The following TRPM1 variants were observed in gnomAD, a reference collection of about 807,000 sequenced individuals.
TRPM1 encodes transient receptor potential cation channel subfamily M member 1.
TRPM1 carries 113 observed loss-of-function variants against 149.4 expected under a neutral mutation model. The ratio of observed to expected loss-of-function variants is 0.76; its 90% CI spans 0.65 to 0.88. The LOEUF is 0.88. Ranked by LOEUF, TRPM1 falls within the 40% of genes least tolerant of loss-of-function variation. The pLI is 0.00. For synonymous variants in TRPM1, 741 were observed against 759.5 expected (o/e 0.98, Z 0.40); for missense variants, 1,976 against 2,038.7 (o/e 0.97, Z 0.59).
In TRPM1 at chr15:31,154,930, C is replaced by G. The variant is rs570816890; in HGVS notation, c.54+5976G>C. Among the ~76,000 whole-genome samples the G allele has an allele frequency of 4.5e-4, 68 of 152,282 alleles. 2 individuals are homozygous for G. The South Asian group carries it at 0.014, about 31-fold the overall frequency. On this transcript the variant is annotated intron_variant, in intron 1 of 26. Coordinates refer to the TRPM1 transcript ENST00000542188. ...TACTCCTGGCTCACTGGCTTCCCCC[C>G]ACCCACCAAGTTATCCATAAAAGCT... is the stretch of plus-strand genomic sequence containing the variant.
Position 31,073,420 on chromosome 15 carries a change from T to C in TRPM1, c.84-3194A>G, listed in dbSNP as rs1049739009. 5.3e-5 allele frequency among the ~76,000 whole-genome samples: 8 copies of C among 152,266 alleles called. No individual in the cohort carries two copies. In the South Asian group the frequency reaches 8.3e-4, roughly 16 times the overall value. On this transcript the variant is annotated intron_variant, in intron 3 of 27. Coordinates refer to ENST00000256552, the MANE Select transcript of TRPM1 (RefSeq NM_001252024.2). The stretch of plus-strand genomic sequence containing the variant: ...TTATTACTGTAGCTTTGTATTAAGT[T>C]TTGAAATCAGAAAATGTGAGTCCTC...
At chr15:31,088,492 A>C (rs1167732010) in intron 1 of TRPM1, among the ~76,000 whole-genome samples, 1 of 152,188 alleles carries the variant, frequency 6.6e-6, no homozygotes, top group Non-Finnish European at 1.5e-5. Context: ...GCCCACGAAC[A>C]CACCTGGAAA....
intron 1 of TRPM1, among the ~76,000 whole-genome samples, chr15:31,143,487 T>C (rs866034536): frequency 4.6e-5 from 7 of 152,148 alleles, no homozygotes; most frequent in Non-Finnish European, 7.3e-5. Context: ...AGTGGTGCTA[T>C]CTTGGCTCAC....
intron 1 of TRPM1, among the ~76,000 whole-genome samples, chr15:31,093,288 A>G (rs2035290925): frequency 1.6e-5 from 2 of 121,844 alleles, no homozygotes; most frequent in African/African-American, 6.0e-5. Context: ...AAAAAAAAAG[A>G]TTAAAAAAGC....
At chr15:31,126,056 C>T (rs185522140) in intron 1 of TRPM1, among the ~76,000 whole-genome samples, 3 of 152,032 alleles carry the variant, frequency 2.0e-5, no homozygotes, top group East Asian at 1.9e-4. Context: ...CACTTGAACC[C>T]GGGAGGCAGA....
intron 27 of TRPM1, among the ~76,000 whole-genome samples, chr15:31,024,502 G>T (rs901553343): frequency 1.3e-5 from 2 of 152,154 alleles, no homozygotes; most frequent in African/African-American, 4.8e-5. Flanking sequence ...GATCTCAGCC[G>T]AGGGAAACAG....
chr15:31,101,736 G>T, upstream of TRPM1: 1 of 985,860 alleles, frequency 1.0e-6, no homozygotes, highest in South Asian at 4.7e-5. Flanking sequence ...AGCTGGGTGA[G>T]GAGGGCCCAC....
At chr15:31,064,071 C>T (rs1052395015) in intron 7 of TRPM1, among the ~76,000 whole-genome samples, 7 of 152,192 alleles carry the variant, frequency 4.6e-5, no homozygotes, top group Non-Finnish European at 7.4e-5. Flanking sequence ...TGACACTGGG[C>T]CAATCACCAA....
At chr15:31,094,576 A>G (rs1365994456) in intron 1 of TRPM1, among the ~76,000 whole-genome samples, 2 of 152,272 alleles carry the variant, frequency 1.3e-5, no homozygotes, top group African/African-American at 4.8e-5. Context: ...CAATTCTCCA[A>G]TGAAGATATA....
upstream of TRPM1, among the ~76,000 whole-genome samples, chr15:31,103,240 C>G (rs2035550270): frequency 6.6e-6 from 1 of 152,168 alleles, no homozygotes; most frequent in South Asian, 2.1e-4. Flanking sequence ...GGAGCCCCAT[C>G]CTTCCCCAAG....
At chr15:31,158,761 G>A (rs1189059267) in intron 1 of TRPM1, among the ~76,000 whole-genome samples, 1 of 152,096 alleles carries the variant, frequency 6.6e-6, no homozygotes, top group Admixed American at 6.5e-5. Context: ...TATACGGAGA[G>A]ATGTGTTCTG....
chr15:31,066,124 G>C lies in TRPM1; in HGVS notation c.742C>G (p.Leu248Val). ...TLGKYGAEVKLRRLLEKHISL... is the reference protein window; with the variant it reads ...TLGKYGAEVKVRRLLEKHISL... Reference sequence around the variant, plus strand: ...ATGTGCTTTTCCAGCAGCCTTCGCAGCTTCACCTCGGCGCCATACTTGCCC... The same window carrying C: ...ATGTGCTTTTCCAGCAGCCTTCGCACCTTCACCTCGGCGCCATACTTGCCC... The change falls in exon 7 of 28, where the codon CTG (leucine) becomes GTG (valine). Residue 248 changes from leucine (L) to valine (V), a missense_variant. Physicochemically the swap from Leu to Val is conservative, Grantham distance 32 (BLOSUM62 1). Around this residue, in one of 3 missense-constraint regions of TRPM1, gnomAD observed 1,332 missense variants for 1,347.1 expected, o/e 0.99. Transcript: ENST00000256552. 2 of 1,614,210 alleles carry C rather than the reference G, an allele frequency of 1.2e-6. No homozygotes were observed. The highest frequency in any genetic ancestry group is 1.7e-6 in the Non-Finnish European group (2 of 1,180,018).
intron 1 of TRPM1, among the ~76,000 whole-genome samples, chr15:31,147,176 T>C (rs1218006552): frequency 1.3e-5 from 2 of 152,224 alleles, no homozygotes; most frequent in African/African-American, 4.8e-5. Flanking sequence ...ACTAGATTCG[T>C]TGTCATTTGG....
At chr15:31,070,327 A>G (rs374538797) in intron 3 of TRPM1, 101 bp from the exon 4 acceptor site, 31 of 1,142,404 alleles carry the variant, frequency 2.7e-5, no homozygotes, top group East Asian at 2.3e-4. Context: ...GGGCCCAAAC[A>G]GGAGCCTACT....
intron 1 of TRPM1, among the ~76,000 whole-genome samples, chr15:31,135,720 C>T (rs1244910193): frequency 6.6e-6 from 1 of 152,058 alleles, no homozygotes; most frequent in Non-Finnish European, 1.5e-5. Context: ...CTGTTGGTTT[C>T]TACAACAGCG....
At chr15:31,113,614 G>A (rs780607337) in intron 1 of TRPM1, among the ~76,000 whole-genome samples, 3 of 152,074 alleles carry the variant, frequency 2.0e-5, no homozygotes, top group Non-Finnish European at 4.4e-5. Flanking sequence ...GTAAACTTGT[G>A]TCATAGCACT....
intron 1 of TRPM1, among the ~76,000 whole-genome samples, chr15:31,113,364 C>T (rs1264094189): frequency 6.6e-6 from 1 of 152,068 alleles, no homozygotes; most frequent in Non-Finnish European, 1.5e-5. Context: ...CCACCATGGA[C>T]TGTCACAACC....
intron 16 of TRPM1, 36 bp from the exon 17 acceptor site, chr15:31,042,279 T>G (rs947749610): frequency 6.5e-7 from 1 of 1,549,154 alleles, no homozygotes; most frequent in African/African-American, 1.4e-5. Context: ...GGTTTTGCCA[T>G]AAAAGTATGC....
At chr15:31,128,468 G>T (rs954489677) in intron 1 of TRPM1, among the ~76,000 whole-genome samples, 2 of 152,168 alleles carry the variant, frequency 1.3e-5, no homozygotes, top group Admixed American at 6.5e-5. Flanking sequence ...GGCTGCACAG[G>T]TGCACACCCC....
Sources: allele counts gnomAD v4.1 joint callset (sites outside exome capture counted in the v4.1 genomes callset), GRCh38; gene constraint gnomAD v4.1.1; regional missense constraint gnomAD v4.1.1; transcripts MANE v1.5; gene names NCBI Gene and HGNC (gene_info 2026-07-23, HGNC 2026-07-21).